The following DCLK1 variants were observed in gnomAD, a reference collection of about 807,000 sequenced individuals.
DCLK1 encodes the protein serine/threonine-protein kinase DCLK1.
A neutral mutation model predicts 86.2 loss-of-function variants in DCLK1; 16 were observed. The observed-to-expected ratio is 0.19, with a 90% confidence interval of 0.13 to 0.28. The LOEUF (loss-of-function observed/expected upper bound fraction) is 0.28. Among genes scored for constraint, DCLK1 ranks in the 10% least tolerant of loss-of-function variants. The pLI, the probability that DCLK1 is intolerant of heterozygous loss-of-function variation, is 1.00. For synonymous variants in DCLK1, 369 were observed against 370.5 expected, an observed-to-expected ratio of 1.00 and a Z score of 0.05; for missense variants, 590 against 940.2, an observed-to-expected ratio of 0.63 and a Z score of 4.87.
intron 3 of DCLK1, among the ~76,000 whole-genome samples, chr13:36,109,887 G>A (rs1286090238): frequency 6.6e-6 from 1 of 152,130 alleles, no homozygotes; most frequent in Non-Finnish European, 1.5e-5. Context: ...GAAAACAACT[G>A]AGAACATCAT....
intron 15 of DCLK1, among the ~76,000 whole-genome samples, chr13:35,802,618 G>A (rs10507428): frequency 0.15 from 23,479 of 151,856 alleles, 2,214 homozygotes; most frequent in East Asian, 0.39. Context: ...AACGCATTAC[G>A]TCTATCATGT....
intron 16 of DCLK1, among the ~76,000 whole-genome samples, chr13:35,791,154 T>C (rs947729216): frequency 3.3e-5 from 5 of 152,196 alleles, no homozygotes; most frequent in Non-Finnish European, 7.3e-5. Context: ...TCTTTTATGC[T>C]TGAAATATTA....
intron 6 of DCLK1, chr13:35,848,552 G>A (rs148519572): frequency 9.5e-5 from 94 of 985,084 alleles, no homozygotes; most frequent in African/African-American, 4.2e-4. Context: ...GATATCTATC[G>A]GCAATTAGTA....
chr13:36,034,160 A>C (rs1192418637), intron 3 of DCLK1, among the ~76,000 whole-genome samples: 2 of 152,200 alleles, frequency 1.3e-5, no homozygotes. Flanking sequence ...AAAAAATTTT[A>C]AACAAATTAG....
At chr13:35,861,739 A>G (rs1290035646) in intron 5 of DCLK1, among the ~76,000 whole-genome samples, 2 of 152,076 alleles carry the variant, frequency 1.3e-5, no homozygotes, top group Admixed American at 1.3e-4. Flanking sequence ...AGAAATGCAG[A>G]CTTCTGGCCA....
intron 3 of DCLK1, among the ~76,000 whole-genome samples, chr13:36,015,579 C>T (rs1201828366): frequency 6.6e-6 from 1 of 152,154 alleles, no homozygotes; most frequent in East Asian, 1.9e-4. Context: ...GTGATGTCAA[C>T]ATGCCTAACA....
chr13:36,060,115 C>T (rs1168194124), intron 3 of DCLK1, among the ~76,000 whole-genome samples: 1 of 146,628 alleles, frequency 6.8e-6, no homozygotes, highest in Non-Finnish European at 1.5e-5. Flanking sequence ...AGGTGATCTG[C>T]CCACCTTGGC....
intron 2 of DCLK1, among the ~76,000 whole-genome samples, chr13:36,114,919 G>A (rs1412862844): frequency 1.3e-5 from 2 of 152,230 alleles, no homozygotes; most frequent in Non-Finnish European, 2.9e-5. Flanking sequence ...TGAGAGTTAA[G>A]AGATAAGTTA....
chr13:35,905,138 C>T (rs1364295454), intron 4 of DCLK1, among the ~76,000 whole-genome samples: 2 of 152,176 alleles, frequency 1.3e-5, no homozygotes, highest in South Asian at 4.1e-4. Flanking sequence ...CTTGCTTGCG[C>T]CTGGCCTCCT....
chr13:36,074,468 C>CAAAAAAAAAAA (rs768865436), intron 3 of DCLK1, among the ~76,000 whole-genome samples: 1 of 79,352 alleles, frequency 1.3e-5, no homozygotes, highest in East Asian at 2.8e-4. Context: ...GACTCCGTCT[C>CAAAAAAAAAAA]AAAAAAAAAA....
At chr13:36,061,905 A>T (rs2153159384) in intron 3 of DCLK1, among the ~76,000 whole-genome samples, 1 of 152,256 alleles carries the variant, frequency 6.6e-6, no homozygotes. Context: ...GTTTTTCATA[A>T]AATACCACTG....
intron 3 of DCLK1, among the ~76,000 whole-genome samples, chr13:36,056,906 A>AAATAT (rs4054844): frequency 0.01 from 1,305 of 130,054 alleles, 11 homozygotes; most frequent in South Asian, 0.019. Flanking sequence ...AAAAAAAAAA[A>AAATAT]ATATATATAT....
chr13:36,065,625 T>C (rs2153160170), intron 3 of DCLK1, among the ~76,000 whole-genome samples: 1 of 152,256 alleles, frequency 6.6e-6, no homozygotes, highest in East Asian at 1.9e-4. Context: ...ACTATAGGAA[T>C]TGAACCTAAC....
chr13:35,994,583 G>A (rs1045811779), intron 3 of DCLK1, among the ~76,000 whole-genome samples: 7 of 152,172 alleles, frequency 4.6e-5, no homozygotes, highest in Admixed American at 2.0e-4. Context: ...AACTGGTGAG[G>A]TTGTCTGTTC....
chr13:35,878,450 C>A (rs992200673), intron 4 of DCLK1, among the ~76,000 whole-genome samples: 39 of 152,144 alleles, frequency 2.6e-4, no homozygotes, highest in African/African-American at 8.7e-4. Flanking sequence ...GCTCCACACG[C>A]AGCACGTCTG....
At chr13:36,057,456 T>C (rs1232594416) in intron 3 of DCLK1, among the ~76,000 whole-genome samples, 1 of 152,220 alleles carries the variant, frequency 6.6e-6, no homozygotes, top group Non-Finnish European at 1.5e-5. Context: ...ATGAGCACTA[T>C]TTAAGGCAGA....
In DCLK1 at chr13:35,903,554, T is replaced by G. The variant is rs566469531; in HGVS notation, c.824-32214A>C. On this transcript the variant is annotated intron_variant, in intron 4 of 16. Coordinates refer to ENST00000360631, the MANE Select transcript of DCLK1 (RefSeq NM_001330071.2). ...ATTCTATTTGGTCCCATATGGCTAATGTCAACCAGAGAGCCTTTAATATTT... is the reference window on the plus strand; with the variant it reads ...ATTCTATTTGGTCCCATATGGCTAAGGTCAACCAGAGAGCCTTTAATATTT... Among the ~76,000 whole-genome samples, 5 of 152,296 alleles carry G rather than the reference T, an allele frequency of 3.3e-5. No homozygotes were observed. The East Asian group carries it at 9.6e-4, about 29-fold the overall frequency.
intron 11 of DCLK1, among the ~76,000 whole-genome samples, chr13:35,815,671 A>G (rs1405858428): frequency 2.0e-5 from 3 of 152,298 alleles, no homozygotes; most frequent in Middle Eastern, 3.4e-3. Flanking sequence ...TATGGCCTTT[A>G]TGATGCTTTC....
At chr13:36,060,199 A>G (rs1883489865) in intron 3 of DCLK1, among the ~76,000 whole-genome samples, 1 of 152,200 alleles carries the variant, frequency 6.6e-6, no homozygotes. Context: ...TAGAATATCA[A>G]TATTCAATTC....
Sources: gnomAD v4.1 joint callset for allele counts (sites outside exome capture counted in the v4.1 genomes callset) on GRCh38, gnomAD v4.1.1 for gene constraint, MANE v1.5 for transcripts, NCBI Gene and HGNC (gene_info 2026-07-23, HGNC 2026-07-21) for gene names.